EPHA5: variants seen among roughly 807,000 people sequenced by gnomAD.
EPHA5 encodes the protein EPH receptor A5.
In EPHA5, 60 loss-of-function variants were observed where a neutral mutation model predicts 105.0. That is an observed-to-expected ratio of 0.57 (90% CI 0.46 to 0.71). EPHA5 has a LOEUF of 0.71. Ranked by LOEUF, EPHA5 falls within the 30% of genes least tolerant of loss-of-function variation. The pLI, the probability that EPHA5 is intolerant of heterozygous loss-of-function variation, is 0.00. For missense variants in EPHA5, 1,218 were observed against 1,274.7 expected (o/e 0.96, Z 0.68); for synonymous variants, 513 against 449.1 (o/e 1.14, Z -1.80).
At chr4:65,409,347 A>AAATG (rs1246545917) in intron 7 of EPHA5, among the ~76,000 whole-genome samples, 1 of 7,430 alleles carries the variant, frequency 1.3e-4, no homozygotes, top group African/African-American at 4.4e-4. Flanking sequence ...TAATAATAAA[A>AAATG]AATAAATAAA....
intron 3 of EPHA5, among the ~76,000 whole-genome samples, chr4:65,565,148 A>G (rs1423809521): frequency 2.0e-5 from 3 of 151,756 alleles, no homozygotes; most frequent in Non-Finnish European, 4.4e-5. Flanking sequence ...TTCACTTTAA[A>G]GACTAAGACT....
chr4:65,380,505 G>A (rs1372047228), intron 8 of EPHA5, among the ~76,000 whole-genome samples: 1 of 151,692 alleles, frequency 6.6e-6, no homozygotes, highest in Non-Finnish European at 1.5e-5. Flanking sequence ...CCAGAACAGA[G>A]AAGCAAGACT....
chr4:65,447,144 A>C (rs1167052497), intron 5 of EPHA5, among the ~76,000 whole-genome samples: 3 of 151,530 alleles, frequency 2.0e-5, no homozygotes, highest in Non-Finnish European at 4.4e-5. Flanking sequence ...GTGCCACCAC[A>C]CCTGGCTAAT....
intron 3 of EPHA5, among the ~76,000 whole-genome samples, chr4:65,587,174 G>A (rs1742204178): frequency 6.6e-6 from 1 of 152,024 alleles, no homozygotes; most frequent in Non-Finnish European, 1.5e-5. Flanking sequence ...CGGAATTGGT[G>A]GGGAGATGAA....
In EPHA5 at chr4:65,602,420, A is replaced by G. The variant is rs1578549268; in HGVS notation, c.247-116T>C. Reference sequence around the variant, plus strand: ...AGATATAGAAATATTCGTATCCTCAATATGTGATATTTACAGAAGGAACTA... The same window carrying G: ...AGATATAGAAATATTCGTATCCTCAGTATGTGATATTTACAGAAGGAACTA... On this transcript the variant is annotated intron_variant, in intron 2 of 16. Coordinates refer to ENST00000613740, the MANE Select transcript of EPHA5 (RefSeq NM_001281766.3). 3 of 747,944 alleles carry G rather than the reference A, an allele frequency of 4.0e-6. No individual in the cohort carries two copies. In the African/African-American group the frequency reaches 5.3e-5, roughly 13 times the overall value. 46.3% of individuals were successfully genotyped at this position (747,944 alleles called of 1,614,324 possible). A position where few individuals can be genotyped will look rare whatever the true frequency, so the allele number is the denominator to read the frequency against.
At chr4:65,609,959 C>T (rs1164455255) in intron 2 of EPHA5, among the ~76,000 whole-genome samples, 11 of 151,874 alleles carry the variant, frequency 7.2e-5, no homozygotes, top group African/African-American at 2.2e-4. Context: ...TAAACAGTTT[C>T]TCATTATATA....
At chr4:65,401,342 G>C (rs1721799099) in intron 8 of EPHA5, among the ~76,000 whole-genome samples, 1 of 151,870 alleles carries the variant, frequency 6.6e-6, no homozygotes, top group African/African-American at 2.4e-5. Flanking sequence ...AAAGTTTATT[G>C]CATTAAGTGA....
chr4:65,375,831 A>G (rs1435840610), intron 8 of EPHA5, among the ~76,000 whole-genome samples: 2 of 151,610 alleles, frequency 1.3e-5, no homozygotes, highest in African/African-American at 2.4e-5. Flanking sequence ...GCCAAACTTT[A>G]TACTATAGCT....
chr4:65,408,071 A>C (rs1722538714), intron 7 of EPHA5, among the ~76,000 whole-genome samples: 1 of 152,284 alleles, frequency 6.6e-6, no homozygotes, highest in Non-Finnish European at 1.5e-5. Flanking sequence ...TTTGTGAGCT[A>C]TTTCTAATAA....
chr4:65,411,934 A>G (rs1446981972), intron 7 of EPHA5, among the ~76,000 whole-genome samples: 1 of 152,226 alleles, frequency 6.6e-6, no homozygotes, highest in East Asian at 1.9e-4. Context: ...TTTTAAAATA[A>G]TAAGCAAAAT....
chr4:65,569,135 C>A (rs1739860513), intron 3 of EPHA5, among the ~76,000 whole-genome samples: 1 of 151,342 alleles, frequency 6.6e-6, no homozygotes, highest in South Asian at 2.1e-4. Flanking sequence ...AGATAGTGAG[C>A]TATCACAATA....
chr4:65,492,847 C>A (rs764886253), intron 4 of EPHA5, among the ~76,000 whole-genome samples: 1 of 151,948 alleles, frequency 6.6e-6, no homozygotes, highest in Non-Finnish European at 1.5e-5. Context: ...TGGAAATACA[C>A]GTGTTCTTGT....
chr4:65,391,983 T>C (rs1368565649), intron 8 of EPHA5, among the ~76,000 whole-genome samples: 1 of 152,134 alleles, frequency 6.6e-6, no homozygotes, highest in Non-Finnish European at 1.5e-5. Context: ...CATTGCAGCA[T>C]GTTTACATAT....
rs1297322719 is a variant in EPHA5, at chr4:65,557,258, A to ATATATATATATATATATG, written c.910+44382_910+44383insCATATATATATATATATA. ...GATATATATATATATATATATATAT[A>ATATATATATATATATATG]TTCTCACACTTTGTTATTAACACTC... On this transcript the variant is annotated intron_variant, in intron 3 of 16. Coordinates refer to ENST00000613740, the MANE Select transcript of EPHA5 (RefSeq NM_001281766.3). Among the ~76,000 whole-genome samples, 77 of 145,108 alleles carry ATATATATATATATATATG rather than the reference A, an allele frequency of 5.3e-4. 2 individuals are homozygous for ATATATATATATATATATG. The highest frequency in any genetic ancestry group is 1.7e-3 in the African/African-American group (67 of 39,752).
At chr4:65,646,150 CCTT>C (rs1315212754) in intron 1 of EPHA5, among the ~76,000 whole-genome samples, 1 of 152,132 alleles carries the variant, frequency 6.6e-6, no homozygotes, top group African/African-American at 2.4e-5. Context: ...TCAGGAACTT[CCTT>C]CTTCAGGACA....
intron 8 of EPHA5, chr4:65,377,005 G>A: frequency 6.2e-7 from 1 of 1,607,888 alleles, no homozygotes; most frequent in Non-Finnish European, 8.5e-7. Context: ...AACCATATTA[G>A]GCTTGGATGG....
intron 3 of EPHA5, among the ~76,000 whole-genome samples, chr4:65,584,618 T>G (rs1333438504): frequency 1.3e-5 from 2 of 151,956 alleles, no homozygotes; most frequent in African/African-American, 4.8e-5. Context: ...GTGTCTCTAA[T>G]ACCTTTAATA....
chr4:65,324,292 G>A, intron 16 of EPHA5, 73 bp from the exon 17 acceptor site: 2 of 1,022,176 alleles, frequency 2.0e-6, no homozygotes, highest in Non-Finnish European at 3.0e-6. Context: ...TGTTGGCAAA[G>A]GGGCAAACAT....
At chr4:65,479,482 C>T (rs1177819335) in intron 5 of EPHA5, among the ~76,000 whole-genome samples, 1 of 152,004 alleles carries the variant, frequency 6.6e-6, no homozygotes, top group African/African-American at 2.4e-5. Context: ...AAAAATAGAA[C>T]TATATTAGGT....
Sources: allele counts gnomAD v4.1 joint callset (sites outside exome capture counted in the v4.1 genomes callset), GRCh38; gene constraint gnomAD v4.1.1; transcripts MANE v1.5; gene names NCBI Gene and HGNC (gene_info 2026-07-23, HGNC 2026-07-21).